Variants in THADA observed in about 807,000 individuals in gnomAD.
THADA encodes tRNA (32-2'-O)-methyltransferase regulator THADA.
A neutral mutation model predicts 219.8 loss-of-function variants in THADA; 213 were observed. The ratio of observed to expected loss-of-function variants is 0.97; its 90% CI spans 0.87 to 1.09. The LOEUF is 1.09. THADA is among the 50% of genes least tolerant of loss of function. THADA has a pLI of 0.00. For missense variants in THADA, 2,956 were observed against 2,311.3 expected (o/e 1.28, Z -5.72); for synonymous variants, 1,018 against 828.9 (o/e 1.23, Z -3.92).
intron 21 of THADA, 45 bp downstream of exon 21, chr2:43,541,114 G>A: frequency 6.9e-7 from 1 of 1,443,666 alleles, no homozygotes; most frequent in Middle Eastern, 1.9e-4. Context: ...AGTGATTTAT[G>A]CGTTGACCAG....
chr2:43,526,599 T>C (rs1693197800), intron 22 of THADA, among the ~76,000 whole-genome samples: 1 of 152,206 alleles, frequency 6.6e-6, no homozygotes, highest in South Asian at 2.1e-4. Flanking sequence ...GGCAGTTTTA[T>C]CTTGTTCAAG....
intron 28 of THADA, among the ~76,000 whole-genome samples, chr2:43,424,482 C>A (rs1384854107): frequency 6.6e-6 from 1 of 152,180 alleles, no homozygotes; most frequent in African/African-American, 2.4e-5. Flanking sequence ...TACACCCATC[C>A]ATCTTTTTAG....
At chr2:43,340,381 A>G (rs1342880889) in intron 30 of THADA, among the ~76,000 whole-genome samples, 1 of 152,256 alleles carries the variant, frequency 6.6e-6, no homozygotes, top group African/African-American at 2.4e-5. Flanking sequence ...TTGCAAAGTC[A>G]AAACACAAAT....
chr2:43,416,193 G>C (rs1206445499), intron 28 of THADA, among the ~76,000 whole-genome samples: 1 of 152,182 alleles, frequency 6.6e-6, no homozygotes, highest in Non-Finnish European at 1.5e-5. Context: ...ACAAACCAAT[G>C]CTACCCACAC....
At chr2:43,523,913 T>C (rs990585393) in intron 22 of THADA, among the ~76,000 whole-genome samples, 4 of 151,980 alleles carry the variant, frequency 2.6e-5, no homozygotes, top group African/African-American at 4.8e-5. Flanking sequence ...TATCTTACGG[T>C]TGGACAAATT....
chr2:43,587,149 G>T, intron 4 of THADA, 147 bp from the exon 5 acceptor site: 5 of 823,660 alleles, frequency 6.1e-6, no homozygotes, highest in Non-Finnish European at 9.3e-6. Flanking sequence ...ACCATCACTC[G>T]AATTTCCTGG....
chr2:43,508,688 C>T lies in THADA; in HGVS notation c.3467G>A (p.Cys1156Tyr). The change falls in exon 23 of 38, where the codon TGT (cysteine) becomes TAT (tyrosine). Residue 1156 changes from cysteine to tyrosine, a missense_variant. Physicochemically the swap from Cys to Tyr is radical, Grantham distance 194. Transcript: ENST00000405975. ...IKCSDPSSKL[C>Y]ATRRSAGIPF... ...AATTCCAGCACTGCGCCTTGTAGCA[C>T]AGAGTTTAGATGAAGGATCACTGCA... is the stretch of plus-strand genomic sequence containing the variant. 1 of 1,613,694 alleles carries T rather than the reference C, an allele frequency of 6.2e-7. No homozygotes were observed. Among genetic ancestry groups the T allele is most frequent in the Non-Finnish European group, 8.5e-7 (1 of 1,179,708 alleles).
At chr2:43,579,141 C>T (rs1289312256) in intron 8 of THADA, among the ~76,000 whole-genome samples, 12 of 152,238 alleles carry the variant, frequency 7.9e-5, no homozygotes, top group South Asian at 4.1e-4. Flanking sequence ...AATATAAAGG[C>T]TTTTAAGCCC....
At chr2:43,548,381 C>T (rs954090532) in intron 20 of THADA, among the ~76,000 whole-genome samples, 84 of 152,158 alleles carry the variant, frequency 5.5e-4, no homozygotes, top group African/African-American at 1.9e-3. Context: ...CTGGGAGAAC[C>T]GCTGCTCTCT....
intron 22 of THADA, among the ~76,000 whole-genome samples, chr2:43,514,024 G>C (rs183376146): frequency 3.5e-4 from 52 of 148,908 alleles, no homozygotes; most frequent in Admixed American, 1.1e-3. Context: ...GACACCACTA[G>C]ACTCCAGTGT....
chr2:43,242,386 G>A (rs1271753424), intron 36 of THADA, among the ~76,000 whole-genome samples: 1 of 152,232 alleles, frequency 6.6e-6, no homozygotes, highest in African/African-American at 2.4e-5. Context: ...CTGACATTTA[G>A]ATAAACAACT....
At chr2:43,444,745 C>A (rs1013982658) in intron 26 of THADA, among the ~76,000 whole-genome samples, 7 of 151,936 alleles carry the variant, frequency 4.6e-5, no homozygotes, top group African/African-American at 1.7e-4. Flanking sequence ...GGGGAGGTAT[C>A]CACACACACC....
At position 43,230,856 on chromosome 2, in the gene THADA, TA is replaced by T. The variant is rs142769503; in HGVS notation, c.*91del. The stretch of plus-strand genomic sequence containing the variant: ...AGAAGTAGGGGAGGCATGAATGGGA[TA>T]AAATTTTTGAATTTATGTTCAACAT... On this transcript the variant is annotated 3_prime_UTR_variant, in exon 38 of 38. Transcript: ENST00000405975. The T allele has an allele frequency of 7.0e-7, 1 of 1,429,970 alleles. No homozygotes were observed. The highest frequency in any genetic ancestry group is 9.4e-7 in the Non-Finnish European group (1 of 1,068,288). 88.6% of individuals were successfully genotyped at this position (1,429,970 alleles called of 1,614,324 possible).
chr2:43,467,053 G>A (rs1208620373), intron 26 of THADA, among the ~76,000 whole-genome samples: 1 of 151,346 alleles, frequency 6.6e-6, no homozygotes, highest in Non-Finnish European at 1.5e-5. Context: ...GTGGTAGCGG[G>A]CGCCTGTAGT....
At chr2:43,453,712 G>C (rs765751920) in intron 26 of THADA, among the ~76,000 whole-genome samples, 1 of 152,186 alleles carries the variant, frequency 6.6e-6, no homozygotes, top group African/African-American at 2.4e-5. Context: ...TTGGCCCCAA[G>C]AGCAGCCTGT....
intron 26 of THADA, among the ~76,000 whole-genome samples, chr2:43,440,210 T>C (rs1243178251): frequency 6.6e-6 from 1 of 152,212 alleles, no homozygotes; most frequent in African/African-American, 2.4e-5. Flanking sequence ...ATATACACTT[T>C]TCTGCACCTT....
At position 43,292,117 on chromosome 2, in the gene THADA, C is replaced by A. The variant is rs745832871; in HGVS notation, c.4924G>T (p.Ala1642Ser). Reference sequence around the variant, plus strand: ...TTGGGGGCAAACCTTTCATTGGAAGCAATATCCATCGTCCAGATCAAGAAC... The same window carrying A: ...TTGGGGGCAAACCTTTCATTGGAAGAAATATCCATCGTCCAGATCAAGAAC... ...KEFLIWTMDI[A>S]SNERSEIQSV... The change falls in exon 33 of 38, where the codon GCT becomes TCT. Residue 1642 changes from alanine (A) to serine (S), a missense_variant. Ala to Ser is a moderately conservative substitution (Grantham distance 99). Coordinates refer to ENST00000405975, the MANE Select transcript of THADA (RefSeq NM_022065.5). 1.9e-6 allele frequency: 3 copies of A among 1,604,444 alleles called. No homozygotes were observed. The highest frequency in any genetic ancestry group is 2.6e-6 in the Non-Finnish European group (3 of 1,175,956).
At chr2:43,535,675 CAAAAAAAA>C (rs1177702416) in intron 21 of THADA, among the ~76,000 whole-genome samples, 27 of 30,372 alleles carry the variant, frequency 8.9e-4, no homozygotes, top group African/African-American at 3.2e-3. Flanking sequence ...CAGCGAGACT[CAAAAAAAA>C]AAAAAAAAAA....
chr2:43,247,539 G>C (rs543465553), intron 36 of THADA, among the ~76,000 whole-genome samples: 1 of 151,804 alleles, frequency 6.6e-6, no homozygotes, highest in Non-Finnish European at 1.5e-5. Context: ...GTCAGGAGTT[G>C]CCAACATGGT....
Sources: allele counts gnomAD v4.1 joint callset (sites outside exome capture counted in the v4.1 genomes callset), GRCh38; gene constraint gnomAD v4.1.1; transcripts MANE v1.5; gene names NCBI Gene and HGNC (gene_info 2026-07-23, HGNC 2026-07-21).